SCN9A: variants seen among roughly 807,000 people sequenced by gnomAD.
SCN9A encodes the protein sodium channel protein type 9 subunit alpha.
Under a neutral mutation model 187.0 loss-of-function variants are expected in SCN9A, and 131 were observed. The ratio of observed to expected loss-of-function variants is 0.70; its 90% confidence interval spans 0.61 to 0.81. The LOEUF (loss-of-function observed/expected upper bound fraction) is 0.81, where lower values mean the gene tolerates loss of function less well. Ranked by LOEUF, SCN9A falls within the 30% of genes least tolerant of loss-of-function variation. The pLI, the probability that SCN9A is intolerant of heterozygous loss-of-function variation, is 0.00. For missense variants in SCN9A, 2,252 were observed against 2,396.6 expected (o/e 0.94, Z 1.26); for synonymous variants, 809 against 808.6 (o/e 1.00, Z -0.01).
At chr2:166,237,566 T>G (rs1695372985) in intron 20 of SCN9A, among the ~76,000 whole-genome samples, 1 of 152,164 alleles carries the variant, frequency 6.6e-6, no homozygotes, top group South Asian at 2.1e-4. Flanking sequence ...ATAGATATTT[T>G]AAAATTTCAT....
intron 17 of SCN9A, among the ~76,000 whole-genome samples, chr2:166,252,788 G>T (rs1475055209): frequency 6.6e-6 from 1 of 151,574 alleles, no homozygotes; most frequent in Non-Finnish European, 1.5e-5. Context: ...CACACACGAA[G>T]AAATCTTTAC....
Position 166,242,553 on chromosome 2 carries a change from A to G in SCN9A, c.3576T>C (p.Ser1192=), listed in dbSNP as rs200798872. The part of the protein sequence containing the change: ...RKTCYKIVEH[S]WFESFIVLMI... Reference sequence around the variant, plus strand: ...TGAGGACAATGAAGCTTTCAAACCAACTGTGTTCAACAATCTTGTAGCAGG... The same window carrying G: ...TGAGGACAATGAAGCTTTCAAACCAGCTGTGTTCAACAATCTTGTAGCAGG... The change falls in exon 19 of 27, where the codon AGT becomes AGC. Residue 1192 remains serine (S), a synonymous_variant. Transcript: ENST00000642356. The G allele has an allele frequency of 3.1e-6, 5 of 1,591,318 alleles. No individual in the cohort carries two copies. The highest frequency in any genetic ancestry group is 3.3e-4 in the Middle Eastern group (2 of 6,058).
At chr2:166,366,551 T>A (rs1426995178) in intron 1 of SCN9A, among the ~76,000 whole-genome samples, 51 of 152,224 alleles carry the variant, frequency 3.4e-4, no homozygotes, top group Non-Finnish European at 2.9e-5. Context: ...CTATTTTTAA[T>A]TTTTTGAGGA....
intron 12 of SCN9A, among the ~76,000 whole-genome samples, chr2:166,282,521 CTAATT>C (rs71395216): frequency 0.11 from 16,628 of 152,034 alleles, 1,057 homozygotes; most frequent in Admixed American, 0.18. Flanking sequence ...AACTTGGAAA[CTAATT>C]CAAATTTAAA....
Position 166,199,122 on chromosome 2 carries a change from A to G in SCN9A, c.5517T>C (p.Leu1839=). 1 of 1,614,206 alleles carries G rather than the reference A, an allele frequency of 6.2e-7. No individual in the cohort carries two copies. Among genetic ancestry groups the G allele is most frequent in the Non-Finnish European group, 8.5e-7 (1 of 1,180,040 alleles). ...GCTTTGTAAAAGCAAATAAGATGTC[A>G]AGACAATGGATCCGGTCACCACTAA... ...PMVSGDRIHC[L]DILFAFTKRV... Residue 1839 remains leucine (L), a synonymous_variant, in exon 27 of 27, where the codon CTT becomes CTC. Transcript: ENST00000642356.
At chr2:166,307,439 A>C (rs1175626586) in intron 2 of SCN9A, among the ~76,000 whole-genome samples, 1 of 152,236 alleles carries the variant, frequency 6.6e-6, no homozygotes, top group African/African-American at 2.4e-5. Context: ...AGAAAGCCAA[A>C]TAGAAACTAG....
chr2:166,322,348 A>T (rs1699265514), intron 1 of SCN9A, among the ~76,000 whole-genome samples: 2 of 152,148 alleles, frequency 1.3e-5, no homozygotes, highest in Non-Finnish European at 2.9e-5. Context: ...AACAATTCAC[A>T]CTGGTTTCAG....
chr2:166,268,174 A>G lies in SCN9A; in HGVS notation c.3351+4225T>C, dbSNP rs564468595. ...ATGAGAATCATATAATCTTTATTAC[A>G]ATCTATTTTACACATAAATAAACTG... is the stretch of plus-strand genomic sequence containing the variant. On this transcript the variant is annotated intron_variant, in intron 17 of 26. Transcript: ENST00000642356. 1.5e-4 allele frequency among the ~76,000 whole-genome samples: 23 copies of G among 152,138 alleles called. 1 individual carries two copies. In the South Asian group the frequency reaches 4.8e-3, roughly 32 times the overall value.
intron 12 of SCN9A, among the ~76,000 whole-genome samples, chr2:166,284,041 T>C (rs941460726): frequency 2.0e-5 from 3 of 152,218 alleles, no homozygotes; most frequent in Admixed American, 1.3e-4. Context: ...AATAGGTACA[T>C]ATTAAGCTGT....
At chr2:166,314,084 C>T (rs1181817871) in intron 1 of SCN9A, among the ~76,000 whole-genome samples, 3 of 152,272 alleles carry the variant, frequency 2.0e-5, no homozygotes, top group African/African-American at 7.2e-5. Flanking sequence ...ACAAAGATCA[C>T]TGATCATAGA....
At chr2:166,329,130 T>G (rs1450620988) in intron 1 of SCN9A, among the ~76,000 whole-genome samples, 1 of 152,190 alleles carries the variant, frequency 6.6e-6, no homozygotes, top group African/African-American at 2.4e-5. Flanking sequence ...TCTGCATCAT[T>G]ATTATTTGCA....
rs922755699 is a variant in SCN9A, at chr2:166,271,095, C to T, written c.3351+1304G>A. 6.6e-5 allele frequency among the ~76,000 whole-genome samples: 10 copies of T among 152,048 alleles called. No homozygotes were observed. In the East Asian group the frequency reaches 1.6e-3, roughly 24 times the overall value. On this transcript the variant is annotated intron_variant, in intron 17 of 26. Coordinates refer to ENST00000642356, the MANE Select transcript of SCN9A (RefSeq NM_001365536.1). ...CACAAAAAAAGGTTTTAAAGAGTTC[C>T]TGTTCTCAATGAATTTACAGTACTA...
intron 24 of SCN9A, among the ~76,000 whole-genome samples, chr2:166,212,699 G>A (rs1217895876): frequency 6.6e-5 from 10 of 152,088 alleles, no homozygotes; most frequent in Admixed American, 3.9e-4. Context: ...TTTCAAGTGC[G>A]CACAGAATAT....
intron 1 of SCN9A, among the ~76,000 whole-genome samples, chr2:166,313,597 C>G (rs1025617776): frequency 6.6e-5 from 10 of 152,112 alleles, no homozygotes; most frequent in Non-Finnish European, 1.5e-4. Flanking sequence ...GTGGATTAGG[C>G]TTTGGCTTAA....
At chr2:166,312,782 C>A (rs1699000701) in intron 1 of SCN9A, among the ~76,000 whole-genome samples, 1 of 151,400 alleles carries the variant, frequency 6.6e-6, no homozygotes. Flanking sequence ...TGACCAGGCA[C>A]ATTGTCAATA....
chr2:166,294,440 A>AT, intron 8 of SCN9A, 159 bp downstream of exon 8: 1 of 532,462 alleles, frequency 1.9e-6, no homozygotes, highest in Non-Finnish European at 3.3e-6. Flanking sequence ...AACTGTGAAC[A>AT]TTTTAAAGAC....
At chr2:166,301,778 T>C (rs1698564996) in intron 7 of SCN9A, 1 of 150,730 alleles carries the variant, frequency 6.6e-6, no homozygotes, top group Non-Finnish European at 1.5e-5. Flanking sequence ...TCTCCATCCA[T>C]TGGAAATAAG....
intron 10 of SCN9A, among the ~76,000 whole-genome samples, chr2:166,288,120 T>TATATATATATATATATATATACACACAC (rs56738765): frequency 1.5e-5 from 2 of 135,558 alleles, no homozygotes; most frequent in Admixed American, 7.4e-5. Flanking sequence ...TATATATATA[T>TATATATATATATATATATATACACACAC]ACACACACAT....
At position 166,278,188 on chromosome 2, in the gene SCN9A, G is replaced by C; in HGVS notation, c.2469C>G (p.Leu823=). Residue 823 remains leucine (L), a synonymous_variant, in exon 15 of 27, where the codon CTC becomes CTG. Coordinates refer to ENST00000642356, the MANE Select transcript of SCN9A (RefSeq NM_001365536.1). ...SLIVTLSLVE[L]FLADVEGLSV... is the part of the protein sequence containing the mutation. Reference sequence around the variant, plus strand: ...ACAATCCTTCCACATCTGCTAGAAAGAGCTCCACTAAACTTAAAGTCACAA... The same window carrying C: ...ACAATCCTTCCACATCTGCTAGAAACAGCTCCACTAAACTTAAAGTCACAA... The C allele has an allele frequency of 6.2e-7, 1 of 1,613,128 alleles. No homozygotes were observed. The highest frequency in any genetic ancestry group is 2.2e-5 in the East Asian group (1 of 44,800).
Sources: gnomAD v4.1 joint callset for allele counts (sites outside exome capture counted in the v4.1 genomes callset) on GRCh38, gnomAD v4.1.1 for gene constraint, MANE v1.5 for transcripts, NCBI Gene and HGNC (gene_info 2026-07-23, HGNC 2026-07-21) for gene names.